SCARA3: variants seen among roughly 807,000 people sequenced by gnomAD.
The protein encoded by SCARA3 is cellular stress response gene protein.
A neutral mutation model predicts 47.0 loss-of-function variants in SCARA3; 39 were observed. The observed-to-expected ratio is 0.83, with a 90% CI of 0.64 to 1.08. The LOEUF is 1.08. Ranked by LOEUF, SCARA3 falls within the 50% of genes least tolerant of loss-of-function variation. The pLI is 0.00. For synonymous variants in SCARA3, 356 were observed against 334.1 expected (o/e 1.07, Z -0.71); for missense variants, 724 against 792.3 (o/e 0.91, Z 1.04).
In SCARA3 at chr8:27,659,322, C is replaced by G; in HGVS notation, c.1152C>G (p.Ser384=). The change falls in exon 5 of 6, where the codon TCC becomes TCG. Residue 384 remains serine (S), a synonymous_variant. Coordinates refer to ENST00000301904, the MANE Select transcript of SCARA3 (RefSeq NM_016240.3). The part of the protein sequence containing the change: ...MLKYLDDVRL[S]CTLGFHTHAE... The stretch of plus-strand genomic sequence containing the variant: ...AGTACCTGGATGACGTGCGGCTCTC[C>G]TGCACGCTGGGCTTCCACACCCATG... 1 of 1,614,142 alleles carries G rather than the reference C, an allele frequency of 6.2e-7. No individual in the cohort carries two copies. The highest frequency in any genetic ancestry group is 8.5e-7 in the Non-Finnish European group (1 of 1,180,018).
At chr8:27,698,755 G>C in the SCARA3 span, among the ~76,000 whole-genome samples, 2,151 of 152,058 alleles carry the variant, frequency 0.014, 116 homozygotes, top group East Asian at 0.2. Context: ...TAATCATTTA[G>C]CAACAGCATA....
chr8:27,649,682 C>T lies in SCARA3; in HGVS notation c.8-20C>T, dbSNP rs777176469. 31 of 1,611,128 alleles carry T rather than the reference C, an allele frequency of 1.9e-5. No homozygotes were observed. Among genetic ancestry groups the T allele is most frequent in the Middle Eastern group, 1.7e-4 (1 of 5,930 alleles). On this transcript the variant is annotated intron_variant, in intron 1 of 5. Transcript: ENST00000301904. ...AGGCCTGGGATGGCTTTGGGTCTGA[C>T]GGCACTGGCTTCATTATAGTGAGGT...
the SCARA3 span, among the ~76,000 whole-genome samples, chr8:27,681,941 T>C: frequency 6.6e-6 from 1 of 151,808 alleles, no homozygotes; most frequent in African/African-American, 2.4e-5. Context: ...CGATAAAATG[T>C]ACATGAAAAT....
the SCARA3 span, chr8:27,733,184 G>C: frequency 6.6e-6 from 1 of 152,186 alleles, no homozygotes; most frequent in Non-Finnish European, 1.5e-5. Context: ...ACTGTGTGAA[G>C]GGCAGGCATC....
chr8:27,661,173 C>G (rs1801906417), intron 5 of SCARA3, among the ~76,000 whole-genome samples: 3 of 152,144 alleles, frequency 2.0e-5, no homozygotes, highest in Admixed American at 2.0e-4. Flanking sequence ...TTATATTTGA[C>G]CAATATCTGA....
the SCARA3 span, among the ~76,000 whole-genome samples, chr8:27,722,883 C>A: frequency 1.2e-3 from 187 of 152,284 alleles, 1 homozygote; most frequent in African/African-American, 4.0e-3. Context: ...CTCCTAGTGA[C>A]CCCGGCACCA....
chr8:27,732,473 A>G, the SCARA3 span, among the ~76,000 whole-genome samples: 4 of 152,240 alleles, frequency 2.6e-5, no homozygotes, highest in East Asian at 1.9e-4. Flanking sequence ...TTGACACAAT[A>G]ATGAAATCAG....
At chr8:27,639,846 C>T (rs1801345547) in intron 1 of SCARA3, among the ~76,000 whole-genome samples, 3 of 152,056 alleles carry the variant, frequency 2.0e-5, no homozygotes, top group African/African-American at 7.2e-5. Flanking sequence ...AGGAAATGAC[C>T]CACCGCGTTG....
intron 1 of SCARA3, among the ~76,000 whole-genome samples, chr8:27,648,364 T>G (rs1801552661): frequency 6.6e-6 from 1 of 152,248 alleles, no homozygotes; most frequent in South Asian, 2.1e-4. Flanking sequence ...CCCAGCACTT[T>G]GGGAGGCCAA....
chr8:27,691,597 C>T, the SCARA3 span, among the ~76,000 whole-genome samples: 9 of 152,134 alleles, frequency 5.9e-5, no homozygotes, highest in Admixed American at 1.3e-4. Flanking sequence ...TTAATCCTAC[C>T]TCTGGCAATT....
chr8:27,724,314 A>G, the SCARA3 span, among the ~76,000 whole-genome samples: 5 of 152,336 alleles, frequency 3.3e-5, no homozygotes, highest in South Asian at 1.0e-3. Context: ...TTTGACAACC[A>G]TGTGAGCAAG....
chr8:27,729,431 T>A, the SCARA3 span, among the ~76,000 whole-genome samples: 1 of 152,148 alleles, frequency 6.6e-6, no homozygotes, highest in African/African-American at 2.4e-5. Context: ...TCTAGCTCTA[T>A]TCCTCATCTC....
intron 5 of SCARA3, among the ~76,000 whole-genome samples, chr8:27,670,446 C>T (rs1459024433): frequency 6.6e-6 from 1 of 152,190 alleles, no homozygotes; most frequent in African/African-American, 2.4e-5. Flanking sequence ...CCCACTTACT[C>T]ATACTGGGAC....
At chr8:27,653,570 C>CGTGTGTGTGTGTGTGTGTGT (rs61545866) in intron 3 of SCARA3, among the ~76,000 whole-genome samples, 1,745 of 145,144 alleles carry the variant, frequency 0.012, 21 homozygotes, top group Middle Eastern at 0.064. Context: ...ATTTGTAAAG[C>CGTGTGTGTGTGTGTGTGTGT]GTGTGTGTGT....
chr8:27,676,501 G>T, downstream of SCARA3: 1 of 1,586,464 alleles, frequency 6.3e-7, no homozygotes, highest in Non-Finnish European at 8.6e-7. Flanking sequence ...GGTGTCCAAC[G>T]AAATCCCCTG....
intron 5 of SCARA3, 102 bp downstream of exon 5, chr8:27,659,641 C>T (rs1801848546): frequency 1.0e-6 from 1 of 963,746 alleles, no homozygotes; most frequent in Non-Finnish European, 1.5e-6. Context: ...TACTAGTGGG[C>T]TAACACAATC....
At chr8:27,641,591 C>T (rs1192839984) in intron 1 of SCARA3, among the ~76,000 whole-genome samples, 1 of 152,228 alleles carries the variant, frequency 6.6e-6, no homozygotes, top group Non-Finnish European at 1.5e-5. Flanking sequence ...GAGAGAACTA[C>T]AGGCTCCATG....
intron 1 of SCARA3, among the ~76,000 whole-genome samples, chr8:27,642,696 C>T (rs1801407996): frequency 6.6e-6 from 1 of 152,186 alleles, no homozygotes; most frequent in Admixed American, 6.5e-5. Context: ...TGATGGCACA[C>T]ACCTGTAGCC....
the SCARA3 span, among the ~76,000 whole-genome samples, chr8:27,714,728 C>A: frequency 6.6e-6 from 1 of 152,300 alleles, no homozygotes; most frequent in South Asian, 2.1e-4. Flanking sequence ...ATTCTGTTTT[C>A]TCCCTTTCTG....
Sources: gnomAD v4.1 joint callset for allele counts (sites outside exome capture counted in the v4.1 genomes callset) on GRCh38, gnomAD v4.1.1 for gene constraint, MANE v1.5 for transcripts, NCBI Gene and HGNC (gene_info 2026-07-23, HGNC 2026-07-21) for gene names.